The following WDR64 variants were observed in gnomAD, a reference collection of about 807,000 sequenced individuals.
WDR64 encodes WD repeat domain 64.
A neutral mutation model predicts 139.3 loss-of-function variants in WDR64; 112 were observed. The observed-to-expected ratio is 0.80, with a 90% CI of 0.69 to 0.94. WDR64 has a LOEUF of 0.94. WDR64 is among the 40% of genes least tolerant of loss of function. The pLI, the probability that WDR64 is intolerant of heterozygous loss-of-function variation, is 0.00. For synonymous variants in WDR64, 444 were observed against 437.7 expected, an observed-to-expected ratio of 1.01 and a Z score of -0.18; for missense variants, 1,206 against 1,293.1, an observed-to-expected ratio of 0.93 and a Z score of 1.03.
At chr1:241,723,973 T>C (rs7523280) in intron 10 of WDR64, among the ~76,000 whole-genome samples, 9,925 of 151,314 alleles carry the variant, frequency 0.066, 1,088 homozygotes, top group African/African-American at 0.23. Context: ...TTCTAAAAAA[T>C]AAATAAGGAA....
At chr1:241,745,847 A>G (rs528214856) in intron 13 of WDR64, among the ~76,000 whole-genome samples, 7 of 152,262 alleles carry the variant, frequency 4.6e-5, no homozygotes, top group Non-Finnish European at 8.8e-5. Flanking sequence ...TCCTCGCATT[A>G]CTACCCACCC....
At chr1:241,765,101 C>T (rs771234587) in intron 15 of WDR64, among the ~76,000 whole-genome samples, 3 of 150,890 alleles carry the variant, frequency 2.0e-5, no homozygotes, top group African/African-American at 7.3e-5. Context: ...GTGGGAGGAT[C>T]GCTTGAGCCC....
intron 8 of WDR64, among the ~76,000 whole-genome samples, chr1:241,692,418 C>T (rs115643592): frequency 5.3e-5 from 8 of 152,192 alleles, no homozygotes; most frequent in Admixed American, 2.6e-4. Flanking sequence ...AAAGATAGTG[C>T]GGTATTGTAA....
At chr1:241,710,809 G>T (rs561402470) in intron 8 of WDR64, among the ~76,000 whole-genome samples, 1 of 152,334 alleles carries the variant, frequency 6.6e-6, no homozygotes, top group South Asian at 2.1e-4. Flanking sequence ...CCAGGTAAAA[G>T]AAATGAAGTC....
intron 13 of WDR64, among the ~76,000 whole-genome samples, chr1:241,747,229 G>T (rs534189020): frequency 6.6e-6 from 1 of 152,272 alleles, no homozygotes; most frequent in African/African-American, 2.4e-5. Context: ...TCTGTATATT[G>T]GTTGTGCAAA....
intron 10 of WDR64, among the ~76,000 whole-genome samples, chr1:241,725,828 A>G (rs1164934677): frequency 6.6e-6 from 1 of 152,042 alleles, no homozygotes; most frequent in Non-Finnish European, 1.5e-5. Flanking sequence ...ACTCCAAAAA[A>G]AAAACTCTCA....
intron 27 of WDR64, among the ~76,000 whole-genome samples, chr1:241,800,419 A>G (rs1054881984): frequency 1.3e-5 from 2 of 152,326 alleles, no homozygotes; most frequent in Admixed American, 6.5e-5. Context: ...AACATAACTG[A>G]TATGAATTTT....
Position 241,744,382 on chromosome 1 carries a change from C to A in WDR64, c.1471-11C>A, listed in dbSNP as rs1381670546. 1.2e-6 allele frequency: 2 copies of A among 1,612,850 alleles called. No individual in the cohort carries two copies. Among genetic ancestry groups the A allele is most frequent in the African/African-American group, 2.7e-5 (2 of 74,786 alleles). On this transcript the variant is annotated splice_polypyrimidine_tract_variant and intron_variant, in intron 12 of 27. Coordinates refer to ENST00000437684, the MANE Select transcript of WDR64 (RefSeq NM_001367482.1). ...AAACGGATTACTTGATATTTTCGTT[C>A]TTTCCCATAGGTATGGGAACTCGAG...
rs1659524082 is a variant in WDR64 at position 241,801,448 on chromosome 1, C to A, written c.*233C>A. 1 of 478,704 alleles carries A rather than the reference C, an allele frequency of 2.1e-6. No individual in the cohort carries two copies. The highest frequency in any genetic ancestry group is 3.7e-6 in the Non-Finnish European group (1 of 269,694). The allele number at this position is 478,704 out of a possible 1,614,324, so 29.7% of individuals were successfully genotyped here. On this transcript the variant is annotated 3_prime_UTR_variant, in exon 28 of 28. Coordinates refer to ENST00000437684, the MANE Select transcript of WDR64 (RefSeq NM_001367482.1). ...GGCGGTGTTTCTTATTTACTGTCAGCAAACTGACACATAAGAAAACAAATG... is the reference window on the plus strand; with the variant it reads ...GGCGGTGTTTCTTATTTACTGTCAGAAAACTGACACATAAGAAAACAAATG...
intron 7 of WDR64, among the ~76,000 whole-genome samples, chr1:241,684,385 G>T (rs1255877191): frequency 6.6e-6 from 1 of 152,136 alleles, no homozygotes; most frequent in Non-Finnish European, 1.5e-5. Flanking sequence ...GCTAACAATA[G>T]TTATCCCCAA....
chr1:241,717,309 A>T (rs563527873), intron 9 of WDR64, among the ~76,000 whole-genome samples: 2 of 152,242 alleles, frequency 1.3e-5, no homozygotes, highest in East Asian at 3.9e-4. Context: ...AGCCTTGAAG[A>T]TTATAATTTT....
intron 13 of WDR64, among the ~76,000 whole-genome samples, chr1:241,746,001 T>C (rs964805999): frequency 4.6e-5 from 7 of 152,182 alleles, no homozygotes; most frequent in Non-Finnish European, 8.8e-5. Flanking sequence ...CGATAATGTC[T>C]TTTAATTGTT....
chr1:241,726,101 G>T (rs1270063783), intron 10 of WDR64, among the ~76,000 whole-genome samples: 1 of 151,802 alleles, frequency 6.6e-6, no homozygotes, highest in African/African-American at 2.4e-5. Flanking sequence ...GGTAGAGATG[G>T]GGTCTTGCTA....
At chr1:241,663,748 C>T (rs1252980458) in intron 2 of WDR64, among the ~76,000 whole-genome samples, 1 of 152,230 alleles carries the variant, frequency 6.6e-6, no homozygotes, top group East Asian at 1.9e-4. Flanking sequence ...GCACTAGTTA[C>T]ATTTCAAGTG....
intron 8 of WDR64, among the ~76,000 whole-genome samples, chr1:241,705,497 G>C (rs932790001): frequency 2.0e-5 from 3 of 150,748 alleles, no homozygotes; most frequent in East Asian, 2.0e-4. Flanking sequence ...AGCCGAGATC[G>C]CGCCACTGCA....
At chr1:241,775,833 A>G (rs1030369034) in intron 21 of WDR64, among the ~76,000 whole-genome samples, 1 of 152,180 alleles carries the variant, frequency 6.6e-6, no homozygotes, top group Non-Finnish European at 1.5e-5. Flanking sequence ...TGTCAAAACA[A>G]TTAGTTAGAA....
intron 3 of WDR64, among the ~76,000 whole-genome samples, chr1:241,672,623 A>C (rs1666277155): frequency 6.6e-6 from 1 of 152,208 alleles, no homozygotes; most frequent in Non-Finnish European, 1.5e-5. Context: ...AAAATTAAAC[A>C]AGTAAAATAT....
chr1:241,711,624 G>T (rs927029598), intron 8 of WDR64, among the ~76,000 whole-genome samples, 178 bp from the exon 9 acceptor site: 2 of 152,124 alleles, frequency 1.3e-5, no homozygotes, highest in Non-Finnish European at 2.9e-5. Flanking sequence ...ACCACATAAT[G>T]GAGTAAGTAG....
intron 19 of WDR64, among the ~76,000 whole-genome samples, chr1:241,772,486 A>T (rs1319469339): frequency 2.0e-5 from 1 of 49,862 alleles, no homozygotes; most frequent in Non-Finnish European, 3.8e-5. Context: ...TTTTTGAGAC[A>T]GAGTTTCACT....
Sources: gnomAD v4.1 joint callset for allele counts (sites outside exome capture counted in the v4.1 genomes callset) on GRCh38, gnomAD v4.1.1 for gene constraint, MANE v1.5 for transcripts, NCBI Gene and HGNC (gene_info 2026-07-23, HGNC 2026-07-21) for gene names.